The following HNRNPM variants were observed in gnomAD, a reference collection of about 807,000 sequenced individuals.
HNRNPM encodes CEA receptor.
Under a neutral mutation model 73.1 loss-of-function variants are expected in HNRNPM, and 11 were observed. That is an observed-to-expected ratio of 0.15 (90% CI 0.09 to 0.25). The LOEUF is 0.25. Among genes scored for constraint, HNRNPM ranks in the 10% least tolerant of loss-of-function variants. The probability of loss-of-function intolerance (pLI) is 1.00; values close to 1 mark genes in which losing one functional copy is unlikely to be tolerated. For synonymous variants in HNRNPM, 407 were observed against 355.2 expected (o/e 1.15, Z -1.64); for missense variants, 789 against 1,067.9 (o/e 0.74, Z 3.64).
At chr19:8,480,886 G>T (rs997166532) in intron 12 of HNRNPM, among the ~76,000 whole-genome samples, 7 of 152,046 alleles carry the variant, frequency 4.6e-5, no homozygotes, top group African/African-American at 1.7e-4. Context: ...CACCTCTCCC[G>T]CTGCGGTTAC....
chr19:8,458,503 T>C (rs1179379670), intron 2 of HNRNPM, among the ~76,000 whole-genome samples: 1 of 152,242 alleles, frequency 6.6e-6, no homozygotes, highest in Non-Finnish European at 1.5e-5. Context: ...CTTGCTGGGC[T>C]GCTTCTCTTG....
chr19:8,455,914 G>A (rs1421557269), intron 2 of HNRNPM, among the ~76,000 whole-genome samples: 2 of 145,250 alleles, frequency 1.4e-5, no homozygotes, highest in Non-Finnish European at 3.0e-5. Flanking sequence ...AATTTTGCAC[G>A]TTAGGTGGGA....
At chr19:8,445,253 C>T in intron 1 of HNRNPM, 142 bp downstream of exon 1, 2 of 720,802 alleles carry the variant, frequency 2.8e-6, no homozygotes, top group East Asian at 6.8e-5. Context: ...CTCAGGGTAG[C>T]GGCGTCTAGG....
chr19:8,471,499 T>G, intron 10 of HNRNPM, 72 bp downstream of exon 10: 1 of 747,374 alleles, frequency 1.3e-6, no homozygotes, highest in Non-Finnish European at 2.1e-6. Context: ...ACAACTGGAC[T>G]TTGAGTAGTT....
intron 13 of HNRNPM, among the ~76,000 whole-genome samples, chr19:8,485,030 G>A (rs1289525352): frequency 6.6e-6 from 1 of 152,046 alleles, no homozygotes; most frequent in African/African-American, 2.4e-5. Flanking sequence ...ATCTCTCGGT[G>A]TGTGTTTTTT....
intron 15 of HNRNPM, 112 bp from the exon 16 acceptor site, chr19:8,488,558 TAGTCATTGGTTCTCGCCATTG>T (rs1971484508): frequency 1.5e-6 from 1 of 685,878 alleles, no homozygotes; most frequent in Non-Finnish European, 2.4e-6. Context: ...GAGGGGGCCG[TAGTCATTGGTTCTCGCCATTG>T]TATTCTGAGC....
chr19:8,486,631 G>A (rs1252535456), intron 14 of HNRNPM, among the ~76,000 whole-genome samples: 1 of 121,538 alleles, frequency 8.2e-6, no homozygotes, highest in Non-Finnish European at 1.8e-5. Context: ...CAGACGCTGA[G>A]CTCAGAGACT....
chr19:8,448,155 A>G (rs907218252), intron 1 of HNRNPM, among the ~76,000 whole-genome samples: 1 of 152,208 alleles, frequency 6.6e-6, no homozygotes, highest in African/African-American at 2.4e-5. Context: ...AGAAAAATAG[A>G]AACTTGGTTC....
At chr19:8,466,161 C>G (rs1270490756) in intron 6 of HNRNPM, 74 bp from the exon 7 acceptor site, 6 of 1,390,918 alleles carry the variant, frequency 4.3e-6, no homozygotes, top group Non-Finnish European at 5.9e-6. Context: ...AAGCATGTAT[C>G]ATTCATGTAG....
intron 10 of HNRNPM, among the ~76,000 whole-genome samples, chr19:8,473,060 T>C (rs1970262587): frequency 6.6e-6 from 1 of 152,074 alleles, no homozygotes; most frequent in Non-Finnish European, 1.5e-5. Flanking sequence ...TTGAGACTAG[T>C]CTAGGCGACA....
At chr19:8,455,797 G>A in intron 2 of HNRNPM, among the ~76,000 whole-genome samples, 1 of 150,944 alleles carries the variant, frequency 6.6e-6, no homozygotes. Context: ...GTGTCAAACA[G>A]GATGGTTTGT....
At chr19:8,472,277 C>T (rs376633927) in intron 10 of HNRNPM, among the ~76,000 whole-genome samples, 1 of 150,124 alleles carries the variant, frequency 6.7e-6, no homozygotes, top group Admixed American at 6.6e-5. Context: ...TATTTTGATT[C>T]TATTAAGGAA....
At chr19:8,483,844 C>T (rs991472956) in intron 13 of HNRNPM, among the ~76,000 whole-genome samples, 9 of 152,076 alleles carry the variant, frequency 5.9e-5, no homozygotes, top group Middle Eastern at 3.2e-3. Context: ...CTGCTCACTG[C>T]GGCCTCAACT....
intron 1 of HNRNPM, among the ~76,000 whole-genome samples, chr19:8,455,138 A>G (rs1219324859): frequency 1.3e-5 from 2 of 151,938 alleles, no homozygotes; most frequent in African/African-American, 4.8e-5. Context: ...ACACCTGGCT[A>G]AGTTTTATAT....
intron 15 of HNRNPM, 139 bp downstream of exon 15, chr19:8,487,214 C>G: frequency 2.6e-6 from 2 of 757,992 alleles, no homozygotes; most frequent in Non-Finnish European, 4.9e-6. Flanking sequence ...CACGCCAATG[C>G]TCAGGCAGGT....
intron 1 of HNRNPM, among the ~76,000 whole-genome samples, chr19:8,454,872 A>G (rs1056994442): frequency 6.6e-6 from 1 of 152,214 alleles, no homozygotes; most frequent in Non-Finnish European, 1.5e-5. Context: ...TACTGTCCGT[A>G]GGAGTATTTT....
chr19:8,481,545 G>C (rs1218333809), intron 12 of HNRNPM: 1 of 152,280 alleles, frequency 6.6e-6, no homozygotes, highest in African/African-American at 2.4e-5. Context: ...AGCTTTTGCA[G>C]CTGTCTTGCA....
At chr19:8,474,714 CT>C (rs59543782) in intron 12 of HNRNPM, among the ~76,000 whole-genome samples, 83,232 of 117,822 alleles carry the variant, frequency 0.71, 30,103 homozygotes, top group East Asian at 0.91. Flanking sequence ...CCTCCACCAA[CT>C]TTTTTTTTTT....
At chr19:8,468,937 C>T (rs1381610807) in intron 9 of HNRNPM, 103 bp downstream of exon 9, 1 of 905,612 alleles carries the variant, frequency 1.1e-6, no homozygotes. Flanking sequence ...GGTTAGCCCT[C>T]AGTTCTCTTG....
Sources: allele counts gnomAD v4.1 joint callset (sites outside exome capture counted in the v4.1 genomes callset), GRCh38; gene constraint gnomAD v4.1.1; transcripts MANE v1.5; gene names NCBI Gene and HGNC (gene_info 2026-07-23, HGNC 2026-07-21).